The following KCNQ1 variants were observed in gnomAD, a reference collection of about 807,000 sequenced individuals.
KCNQ1 encodes the protein potassium voltage-gated channel subfamily Q member 1.
KCNQ1 carries 49 observed loss-of-function variants against 72.4 expected under a neutral mutation model. The observed-to-expected ratio is 0.68, with a 90% CI of 0.54 to 0.86. The LOEUF (loss-of-function observed/expected upper bound fraction) is 0.86. Among genes scored for constraint, KCNQ1 ranks in the 40% least tolerant of loss-of-function variants. The probability of loss-of-function intolerance (pLI) is 0.00; values close to 1 mark genes in which losing one functional copy is unlikely to be tolerated. For synonymous variants in KCNQ1, 450 were observed against 412.6 expected, an observed-to-expected ratio of 1.09 and a Z score of -1.10; for missense variants, 790 against 945.1, an observed-to-expected ratio of 0.84 and a Z score of 2.15.
At chr11:2,688,853 G>T (rs1218804666) in intron 11 of KCNQ1, 8 of 398,924 alleles carry the variant, frequency 2.0e-5, no homozygotes, top group Non-Finnish European at 3.1e-5. Context: ...GGTGGAGAGG[G>T]CTGGGCCAGA....
chr11:2,478,546 C>T lies in KCNQ1; in HGVS notation c.386+33062C>T, dbSNP rs548104140. On this transcript the variant is annotated intron_variant, in intron 1 of 15. Transcript: ENST00000155840. The surrounding 1 kb of genome is among the most constrained non-coding windows in gnomAD (Gnocchi z 4.0). ...TTCCCCTTATAAAACCATCAGATCTCGTGAGACTTATTCATTACCATGAGA... is the reference window on the plus strand; with the variant it reads ...TTCCCCTTATAAAACCATCAGATCTTGTGAGACTTATTCATTACCATGAGA... Among the ~76,000 whole-genome samples the T allele has an allele frequency of 1.3e-4, 20 of 152,186 alleles. No individual in the cohort carries two copies. The highest frequency in any genetic ancestry group is 3.4e-3 in the Middle Eastern group (1 of 294).
Position 2,563,078 on chromosome 11 carries a change from C to T in KCNQ1, c.478-7550C>T, listed in dbSNP as rs1232974329. 6.6e-6 allele frequency among the ~76,000 whole-genome samples: 1 copy of T among 152,190 alleles called. No homozygotes were observed. The highest frequency in any genetic ancestry group is 1.5e-5 in the Non-Finnish European group (1 of 68,044). On this transcript the variant is annotated intron_variant, in intron 2 of 15. Coordinates refer to ENST00000155840, the MANE Select transcript of KCNQ1 (RefSeq NM_000218.3). This position sits in a 1 kb window ranked among gnomAD's most constrained non-coding sequence, Gnocchi z 7.4. ...CGCAGCTGGTCAGAACCAGTTATTT[C>T]AGGCTGCCCTGTGATCTTTCCCACG... is the stretch of plus-strand genomic sequence containing the variant.
At chr11:2,807,567 G>T (rs957683789) in intron 15 of KCNQ1, among the ~76,000 whole-genome samples, 1 of 152,188 alleles carries the variant, frequency 6.6e-6, no homozygotes, top group African/African-American at 2.4e-5. Flanking sequence ...CCCGGGCCGG[G>T]CCCTCCTCGG....
chr11:2,517,294 C>T (rs929768036), intron 1 of KCNQ1, among the ~76,000 whole-genome samples: 18 of 152,140 alleles, frequency 1.2e-4, no homozygotes, highest in Non-Finnish European at 1.5e-5. Flanking sequence ...AGGTTCCTGG[C>T]GATGGGGATG....
At chr11:2,722,074 C>T (rs1851212361) in intron 11 of KCNQ1, among the ~76,000 whole-genome samples, 1 of 152,176 alleles carries the variant, frequency 6.6e-6, no homozygotes, top group Non-Finnish European at 1.5e-5. Context: ...GCAGGGCCCA[C>T]ACAGACAGCC....
intron 11 of KCNQ1, among the ~76,000 whole-genome samples, chr11:2,714,369 A>G (rs918580000): frequency 4.6e-5 from 7 of 151,698 alleles, no homozygotes; most frequent in South Asian, 4.1e-4. Context: ...AGGCTCTGGT[A>G]CTCTCCTGGG....
rs73413292 is a variant in KCNQ1, at chr11:2,593,381, G to A, written c.1393+4527G>A. Among the ~76,000 whole-genome samples the A allele has an allele frequency of 1.8e-3, 277 of 151,540 alleles. 2 individuals are homozygous for A. The highest frequency in any genetic ancestry group is 6.5e-3 in the African/African-American group (270 of 41,502). On this transcript the variant is annotated intron_variant, in intron 10 of 15. Transcript: ENST00000155840. The surrounding 1 kb of genome is among the most constrained non-coding windows in gnomAD (Gnocchi z 6.9). ...GTAGGATCGGGGAGGCCACCTCAGA[G>A]GCCTTTTGCTGCTCAGAGAACACTG...
intron 11 of KCNQ1, among the ~76,000 whole-genome samples, chr11:2,722,508 G>C (rs942803494): frequency 3.9e-5 from 6 of 152,104 alleles, no homozygotes; most frequent in Non-Finnish European, 8.8e-5. Context: ...CCCAGGAGGA[G>C]CTTTTTCTAA....
intron 11 of KCNQ1, chr11:2,667,192 G>A: frequency 2.5e-6 from 1 of 398,710 alleles, no homozygotes; most frequent in Admixed American, 4.4e-5. Context: ...GCCCAGCTGT[G>A]GCGGCCCCCC....
At position 2,657,570 on chromosome 11, in the gene KCNQ1, C is replaced by G; in HGVS notation, c.1394-4391C>G. The G allele has an allele frequency of 2.5e-6, 1 of 398,570 alleles. No individual in the cohort carries two copies. The highest frequency in any genetic ancestry group is 2.1e-5 in the African/African-American group (1 of 48,742). 24.7% of individuals were successfully genotyped at this position (398,570 alleles called of 1,614,324 possible). ...CACCAGCTTCCCCTAATGTTAGCATCTTATATAACCATGGTACATTGACCA... is the reference window on the plus strand; with the variant it reads ...CACCAGCTTCCCCTAATGTTAGCATGTTATATAACCATGGTACATTGACCA... On this transcript the variant is annotated intron_variant, in intron 10 of 15. Transcript: ENST00000155840. This position sits in a 1 kb window ranked among gnomAD's most constrained non-coding sequence, Gnocchi z 4.8.
rs753674969 is a variant in KCNQ1 at position 2,608,226 on chromosome 11, C to A, written c.1393+19372C>A. ...ATTCTTTAGATATTTGTTAGATTCA[C>A]TCATCTGGCCCTCTTGGGCTTTTCT... is the stretch of plus-strand genomic sequence containing the variant. On this transcript the variant is annotated intron_variant, in intron 10 of 15. Coordinates refer to ENST00000155840, the MANE Select transcript of KCNQ1 (RefSeq NM_000218.3). This position sits in a 1 kb window ranked among gnomAD's most constrained non-coding sequence, Gnocchi z 4.6. The A allele has an allele frequency of 1.1e-4, 44 of 394,922 alleles. No individual in the cohort carries two copies. The highest frequency in any genetic ancestry group is 1.5e-4 in the Non-Finnish European group (34 of 224,392). The allele number at this position is 394,922 out of a possible 1,614,324, so 24.5% of individuals were successfully genotyped here.
chr11:2,714,446 C>T (rs1295812781), intron 11 of KCNQ1, among the ~76,000 whole-genome samples: 3 of 152,220 alleles, frequency 2.0e-5, no homozygotes, highest in African/African-American at 7.2e-5. Context: ...AGCCCCTCTG[C>T]CATCAGTGAG....
chr11:2,689,386 G>T, intron 11 of KCNQ1: 1 of 398,736 alleles, frequency 2.5e-6, no homozygotes, highest in Admixed American at 4.4e-5. Context: ...GAGTGGGGTG[G>T]AAGAAGCCCA....
At chr11:2,587,251 C>T (rs1848604768) in intron 8 of KCNQ1, among the ~76,000 whole-genome samples, 1 of 152,240 alleles carries the variant, frequency 6.6e-6, no homozygotes, top group Non-Finnish European at 1.5e-5. Context: ...GATGTGCGAC[C>T]TGCCCACCTT....
chr11:2,821,778 G>T (rs1847742627), intron 15 of KCNQ1, among the ~76,000 whole-genome samples: 1 of 152,080 alleles, frequency 6.6e-6, no homozygotes, highest in South Asian at 2.1e-4. Flanking sequence ...TCCTTAAAGG[G>T]TGCATCTTCC....
Position 2,608,015 on chromosome 11 carries a change from T to C in KCNQ1, c.1393+19161T>C, listed in dbSNP as rs1185188021. 1.3e-5 allele frequency among the ~76,000 whole-genome samples: 2 copies of C among 152,186 alleles called. No homozygotes were observed. Among genetic ancestry groups the C allele is most frequent in the African/African-American group, 4.8e-5 (2 of 41,444 alleles). Reference sequence around the variant, plus strand: ...AACATCAAGAAAGCATAAAGCACAATAGCGTGGATTTACCTAATGCCACAG... The same window carrying C: ...AACATCAAGAAAGCATAAAGCACAACAGCGTGGATTTACCTAATGCCACAG... On this transcript the variant is annotated intron_variant, in intron 10 of 15. Coordinates refer to ENST00000155840, the MANE Select transcript of KCNQ1 (RefSeq NM_000218.3). The surrounding 1 kb of genome is among the most constrained non-coding windows in gnomAD (Gnocchi z 4.6).
chr11:2,671,522 C>T lies in KCNQ1; in HGVS notation c.1514+9441C>T. 1 of 398,622 alleles carries T rather than the reference C, an allele frequency of 2.5e-6. No individual in the cohort carries two copies. The highest frequency in any genetic ancestry group is 4.4e-6 in the Non-Finnish European group (1 of 226,076). 24.7% of individuals were successfully genotyped at this position (398,622 alleles called of 1,614,324 possible). A position where few individuals can be genotyped will look rare whatever the true frequency, so the allele number is the denominator to read the frequency against. On this transcript the variant is annotated intron_variant, in intron 11 of 15. Transcript: ENST00000155840. This position sits in a 1 kb window ranked among gnomAD's most constrained non-coding sequence, Gnocchi z 4.7. The stretch of plus-strand genomic sequence containing the variant: ...TTTAGGGCCAATTCAAGGGATTTTT[C>T]AAAGGTTAATTTTGACTCTGCCTGA...
intron 15 of KCNQ1, among the ~76,000 whole-genome samples, chr11:2,845,288 G>A (rs1197213058): frequency 4.6e-5 from 7 of 152,152 alleles, no homozygotes; most frequent in African/African-American, 1.2e-4. Flanking sequence ...CCGTGGTCTC[G>A]AGATGGAGCC....
chr11:2,628,885 T>A (rs1229735565), intron 10 of KCNQ1: 1 of 398,280 alleles, frequency 2.5e-6, no homozygotes, highest in African/African-American at 2.1e-5. Flanking sequence ...CTTTCCCCAT[T>A]GTGTACTCTT....
Sources: allele counts gnomAD v4.1 joint callset (sites outside exome capture counted in the v4.1 genomes callset), GRCh38; gene constraint gnomAD v4.1.1; non-coding constraint Gnocchi (gnomAD v3.1); transcripts MANE v1.5; gene names NCBI Gene and HGNC (gene_info 2026-07-23, HGNC 2026-07-21).